The following ASTN2 variants were observed in gnomAD, a reference collection of about 807,000 sequenced individuals.
ASTN2 encodes astrotactin 2, also known as astrotactin-2.
In ASTN2, 54 loss-of-function variants were observed where a neutral mutation model predicts 139.8. That is an observed-to-expected ratio of 0.39 (90% CI 0.31 to 0.48). The LOEUF is 0.48. ASTN2 is among the 20% of genes least tolerant of loss of function. The probability of loss-of-function intolerance (pLI) is 0.95; values close to 1 mark genes in which losing one functional copy is unlikely to be tolerated. For missense variants in ASTN2, 1,565 were observed against 1,725.1 expected (o/e 0.91, Z 1.64); for synonymous variants, 756 against 719.5 (o/e 1.05, Z -0.81).
At chr9:116,904,360 T>C (rs1014652526) in intron 10 of ASTN2, among the ~76,000 whole-genome samples, 3 of 152,102 alleles carry the variant, frequency 2.0e-5, no homozygotes, top group Non-Finnish European at 4.4e-5. Context: ...GGAATAACCA[T>C]GAGGTGGCAG....
chr9:117,401,341 C>T (rs1830821607), intron 1 of ASTN2, among the ~76,000 whole-genome samples: 1 of 152,108 alleles, frequency 6.6e-6, no homozygotes, highest in Non-Finnish European at 1.5e-5. Context: ...ATTGAGATAG[C>T]TGAGAGTGTG....
intron 19 of ASTN2, among the ~76,000 whole-genome samples, chr9:116,579,927 T>C (rs2131708598): frequency 6.6e-6 from 1 of 152,236 alleles, no homozygotes; most frequent in East Asian, 1.9e-4. Context: ...ATTCAAGCAA[T>C]TCTCCTGCCT....
chr9:117,280,134 A>C (rs187869883), intron 2 of ASTN2, among the ~76,000 whole-genome samples: 1 of 152,138 alleles, frequency 6.6e-6, no homozygotes, highest in Non-Finnish European at 1.5e-5. Flanking sequence ...TATTTTGTAG[A>C]ATGCCCATCA....
intron 1 of ASTN2, among the ~76,000 whole-genome samples, chr9:117,411,725 A>G (rs1024580151): frequency 6.6e-6 from 1 of 152,114 alleles, no homozygotes; most frequent in Admixed American, 6.6e-5. Context: ...GCTTTGGTGG[A>G]CACCATCACC....
chr9:117,001,122 TC>T (rs764103531), intron 7 of ASTN2, among the ~76,000 whole-genome samples: 2 of 152,202 alleles, frequency 1.3e-5, no homozygotes, highest in Non-Finnish European at 2.9e-5. Flanking sequence ...TAGCATCTTC[TC>T]CACTTTCCTT....
At chr9:116,500,216 C>T (rs10817900) in intron 19 of ASTN2, among the ~76,000 whole-genome samples, 50,310 of 152,120 alleles carry the variant, frequency 0.33, 9,715 homozygotes, top group Admixed American at 0.45. Context: ...CTGCCCTCTC[C>T]TTTTGTAAAA....
intron 4 of ASTN2, among the ~76,000 whole-genome samples, chr9:117,099,282 A>G (rs549416821): frequency 6.6e-6 from 1 of 152,154 alleles, no homozygotes; most frequent in Non-Finnish European, 1.5e-5. Context: ...CCCTGTTAGG[A>G]GGCCACCCAA....
intron 6 of ASTN2, among the ~76,000 whole-genome samples, chr9:117,017,196 T>G (rs1837739374): frequency 6.6e-6 from 1 of 151,872 alleles, no homozygotes; most frequent in Admixed American, 6.6e-5. Context: ...ATTTAAATTT[T>G]TAAAGAAGAA....
At chr9:117,388,657 G>T (rs1830464844) in intron 1 of ASTN2, among the ~76,000 whole-genome samples, 1 of 152,204 alleles carries the variant, frequency 6.6e-6, no homozygotes, top group Admixed American at 6.5e-5. Context: ...GGTGCTCACA[G>T]AGTTGGGAGT....
In ASTN2 at chr9:117,381,903, G is replaced by T. The variant is rs562204742; in HGVS notation, c.442+32594C>A. On this transcript the variant is annotated intron_variant, in intron 1 of 22. Transcript: ENST00000313400. The stretch of plus-strand genomic sequence containing the variant: ...AGGGTAAAAATAAGGATAGTGTTCT[G>T]GTCACAAGAAAGTATATGTAAATGA... Among the ~76,000 whole-genome samples the T allele has an allele frequency of 7.9e-5, 12 of 152,188 alleles. No individual in the cohort carries two copies. The South Asian group carries it at 2.3e-3, about 29-fold the overall frequency.
In ASTN2 at chr9:116,551,363, T is replaced by C. The variant is rs143279863; in HGVS notation, c.3356-63863A>G. On this transcript the variant is annotated intron_variant, in intron 19 of 22. Transcript: ENST00000313400. The stretch of plus-strand genomic sequence containing the variant: ...ACTGAGAACACTGAGAAAATCAATG[T>C]GCATATCCCATTCCCTTTATTCTGC... Among the ~76,000 whole-genome samples, 33 of 152,322 alleles carry C rather than the reference T, an allele frequency of 2.2e-4. No homozygotes were observed. The East Asian group carries it at 6.0e-3, about 28-fold the overall frequency.
intron 1 of ASTN2, among the ~76,000 whole-genome samples, chr9:117,351,556 A>G (rs1035208158): frequency 6.6e-6 from 1 of 152,160 alleles, no homozygotes; most frequent in Non-Finnish European, 1.5e-5. Context: ...TACACAAACA[A>G]TAAAAACTGT....
At chr9:116,799,138 T>C (rs1364959028) in intron 13 of ASTN2, among the ~76,000 whole-genome samples, 2 of 151,898 alleles carry the variant, frequency 1.3e-5, no homozygotes, top group Non-Finnish European at 2.9e-5. Flanking sequence ...GCAGCATGTT[T>C]AATTAATCAC....
intron 10 of ASTN2, among the ~76,000 whole-genome samples, chr9:116,938,726 T>C (rs1191310630): frequency 6.6e-6 from 1 of 152,206 alleles, no homozygotes; most frequent in African/African-American, 2.4e-5. Flanking sequence ...ATTATCACAA[T>C]ATTGTTTTCT....
intron 2 of ASTN2, among the ~76,000 whole-genome samples, chr9:117,282,330 C>G (rs1270672497): frequency 6.6e-6 from 1 of 152,226 alleles, no homozygotes; most frequent in Non-Finnish European, 1.5e-5. Flanking sequence ...CGTTCTTATT[C>G]TGCATTGTGC....
At chr9:116,957,111 G>C (rs534219288) in intron 10 of ASTN2, among the ~76,000 whole-genome samples, 1 of 150,678 alleles carries the variant, frequency 6.6e-6, no homozygotes, top group Admixed American at 6.6e-5. Context: ...AAAATACAAG[G>C]AACCCAGATA....
At chr9:116,439,489 C>T (rs1029607944) in intron 22 of ASTN2, among the ~76,000 whole-genome samples, 5 of 139,712 alleles carry the variant, frequency 3.6e-5, no homozygotes, top group South Asian at 6.6e-4. Context: ...CGTGAGCCAC[C>T]GCGCCCGGCC....
At chr9:117,239,038 A>C (rs1332876364) in intron 2 of ASTN2, among the ~76,000 whole-genome samples, 1 of 152,202 alleles carries the variant, frequency 6.6e-6, no homozygotes, top group Non-Finnish European at 1.5e-5. Flanking sequence ...TTACTTCATC[A>C]ATGTAAAAAC....
At chr9:116,651,106 G>T (rs924900473) in intron 17 of ASTN2, among the ~76,000 whole-genome samples, 1 of 151,946 alleles carries the variant, frequency 6.6e-6, no homozygotes, top group Non-Finnish European at 1.5e-5. Flanking sequence ...TAGTAGAGAT[G>T]GGGTTTCACC....
Sources: allele counts gnomAD v4.1 joint callset (sites outside exome capture counted in the v4.1 genomes callset), GRCh38; gene constraint gnomAD v4.1.1; transcripts MANE v1.5; gene names NCBI Gene and HGNC (gene_info 2026-07-23, HGNC 2026-07-21).